MPV17: variants seen among roughly 807,000 people sequenced by gnomAD.
The protein encoded by MPV17 is MPV17, mitochondrial inner membrane protein.
In MPV17, 31 loss-of-function variants were observed where a neutral mutation model predicts 28.6. The ratio of observed to expected loss-of-function variants is 1.08; its 90% CI spans 0.81 to 1.46. The LOEUF (loss-of-function observed/expected upper bound fraction) is 1.46. Ranked by LOEUF, MPV17 falls within the 40% of genes most tolerant of loss-of-function variation. MPV17 has a pLI of 0.00. For missense variants in MPV17, 198 were observed against 216.2 expected (o/e 0.92, Z 0.53); for synonymous variants, 87 against 85.3 (o/e 1.02, Z -0.11).
chr2:27,312,114 C>A, intron 6 of MPV17, 100 bp downstream of exon 6: 1 of 1,476,244 alleles, frequency 6.8e-7, no homozygotes, highest in South Asian at 1.1e-5. Context: ...AAGAGTAATC[C>A]CAACGGAAGG....
intron 7 of MPV17, chr2:27,311,485 T>G: frequency 5.9e-6 from 6 of 1,013,286 alleles, no homozygotes; most frequent in Non-Finnish European, 1.5e-6. Context: ...ACATCTTCAG[T>G]GCCACTATCT....
chr2:27,318,827 C>T (rs1241946564), intron 2 of MPV17, among the ~76,000 whole-genome samples: 1 of 151,572 alleles, frequency 6.6e-6, no homozygotes, highest in Non-Finnish European at 1.5e-5. Flanking sequence ...TGCTGTAGCG[C>T]AATCTCAGCT....
intron 7 of MPV17, chr2:27,311,547 C>G: frequency 1.3e-6 from 2 of 1,532,706 alleles, no homozygotes; most frequent in Non-Finnish European, 1.8e-6. Context: ...GACCAGGCTC[C>G]TACTTGGCCT....
At position 27,314,201 on chromosome 2, in the gene MPV17, G is replaced by A. The variant is rs189122638; in HGVS notation, c.71-1092C>T. ...AACAATTAGCTGGGCACGGTGGCAC[G>A]TGCCTGTAGTCCCAGCTACTCAGGA... is the stretch of plus-strand genomic sequence containing the variant. On this transcript the variant is annotated intron_variant, in intron 2 of 7. Transcript: ENST00000380044. 1.8e-4 allele frequency among the ~76,000 whole-genome samples: 28 copies of A among 152,192 alleles called. No homozygotes were observed. In the South Asian group the frequency reaches 3.9e-3, roughly 21 times the overall value.
intron 1 of MPV17, 109 bp from the exon 2 acceptor site, chr2:27,322,631 G>A: frequency 2.3e-6 from 2 of 869,328 alleles, no homozygotes; most frequent in Non-Finnish European, 1.9e-6. Flanking sequence ...CTTCCAATGT[G>A]ACTTAAAGGG....
chr2:27,309,529 A>AC lies in MPV17; in HGVS notation c.*382dup. 2.5e-6 allele frequency: 1 copy of AC among 398,956 alleles called. No homozygotes were observed. Among genetic ancestry groups the AC allele is most frequent in the Non-Finnish European group, 4.5e-6 (1 of 220,988 alleles). The allele number at this position is 398,956 out of a possible 1,614,324, so 24.7% of individuals were successfully genotyped here. A position where few individuals can be genotyped will look rare whatever the true frequency, so the allele number is the denominator to read the frequency against. On this transcript the variant is annotated 3_prime_UTR_variant, in exon 8 of 8. Coordinates refer to ENST00000380044, the MANE Select transcript of MPV17 (RefSeq NM_002437.5). ...TATTTAATAACATATTTACTGAGGC[A>AC]CCATATAAAGGGTTCCGGGAGTCTC...
intron 2 of MPV17, 86 bp downstream of exon 2, chr2:27,322,361 AG>A: frequency 9.1e-7 from 1 of 1,099,002 alleles, no homozygotes; most frequent in Non-Finnish European, 1.4e-6. Context: ...GAATAGAAAC[AG>A]GAAGTGAGGG....
chr2:27,316,524 A>G (rs933802076), intron 2 of MPV17, among the ~76,000 whole-genome samples: 3 of 152,186 alleles, frequency 2.0e-5, no homozygotes, highest in African/African-American at 7.2e-5. Flanking sequence ...AAGGTGGTAT[A>G]AGGCTTTGGA....
chr2:27,313,529 T>C (rs1215092410), intron 2 of MPV17: 6 of 388,448 alleles, frequency 1.5e-5, no homozygotes, highest in African/African-American at 1.2e-4. Flanking sequence ...AACCAGTAAG[T>C]GCAGGGCCAA....
intron 7 of MPV17, 52 bp from the exon 8 acceptor site, chr2:27,310,033 AG>A: frequency 7.2e-7 from 1 of 1,395,762 alleles, no homozygotes; most frequent in Non-Finnish European, 1.0e-6. Flanking sequence ...GCAGTGAGCA[AG>A]GGCTGGAGAT....
chr2:27,315,506 A>T (rs1679616731), intron 2 of MPV17, among the ~76,000 whole-genome samples: 1 of 152,188 alleles, frequency 6.6e-6, no homozygotes, highest in Non-Finnish European at 1.5e-5. Flanking sequence ...TATACATTTA[A>T]TCCTCACAAA....
Position 27,309,923 on chromosome 2 carries a change from G to A in MPV17, c.520C>T (p.His174Tyr), listed in dbSNP as rs746596000. ...GGAGTGAGGCAGGCTTAGAGCCGAT[G>A]TGCCTTCCAGGACAGGTAGGAGTTC... ...IWNSYLSWKA[H>Y]RL is the part of the protein sequence containing the mutation. Residue 174 changes from histidine (H) to tyrosine (Y), a missense_variant, in exon 8 of 8, where the codon CAT (histidine) becomes TAT (tyrosine). Coordinates refer to ENST00000380044, the MANE Select transcript of MPV17 (RefSeq NM_002437.5). 1.2e-6 allele frequency: 2 copies of A among 1,613,792 alleles called. No individual in the cohort carries two copies. Among genetic ancestry groups the A allele is most frequent in the Non-Finnish European group, 1.7e-6 (2 of 1,179,664 alleles).
chr2:27,311,596 C>G, intron 7 of MPV17: 1 of 1,550,510 alleles, frequency 6.4e-7, no homozygotes, highest in Non-Finnish European at 8.7e-7. Flanking sequence ...CTGCAGCACC[C>G]CAGCCACTGT....
chr2:27,322,266 C>T (rs1458375142), intron 2 of MPV17, 182 bp downstream of exon 2: 8 of 663,748 alleles, frequency 1.2e-5, no homozygotes, highest in Non-Finnish European at 1.9e-5. Flanking sequence ...CTACGCATAC[C>T]CCTTAAAAAC....
chr2:27,312,090 C>T (rs1330619482), intron 6 of MPV17, 124 bp downstream of exon 6: 3 of 1,449,354 alleles, frequency 2.1e-6, no homozygotes, highest in Non-Finnish European at 2.9e-6. Context: ...TTATGGTGCC[C>T]ATCCTGGGAA....
At chr2:27,321,731 T>C (rs1396111462) in intron 2 of MPV17, among the ~76,000 whole-genome samples, 1 of 152,182 alleles carries the variant, frequency 6.6e-6, no homozygotes, top group African/African-American at 2.4e-5. Flanking sequence ...AATCACTGCA[T>C]TTGGAGTGAC....
chr2:27,311,850 G>C (rs776873059), intron 7 of MPV17, 49 bp downstream of exon 7: 2 of 1,605,252 alleles, frequency 1.2e-6, no homozygotes, highest in Non-Finnish European at 1.7e-6. Flanking sequence ...GTCTCCAACT[G>C]TTGGTAACGT....
intron 2 of MPV17, among the ~76,000 whole-genome samples, chr2:27,319,925 C>CAA (rs780007083): frequency 4.3e-5 from 4 of 93,768 alleles, no homozygotes; most frequent in East Asian, 3.1e-4. Flanking sequence ...CACCTTATCT[C>CAA]AAAAAAAAAA....
In MPV17 at chr2:27,309,762, A is replaced by T. The variant is rs1483835033; in HGVS notation, c.*150T>A. On this transcript the variant is annotated 3_prime_UTR_variant, in exon 8 of 8. Transcript: ENST00000380044. ...AGCAGTCAGTGTACATTTTAGAGTG[A>T]AGAGGGGCATTGCAGGGTGCTAGTC... The T allele has an allele frequency of 1.4e-6, 1 of 709,822 alleles. No homozygotes were observed. The highest frequency in any genetic ancestry group is 2.6e-6 in the Non-Finnish European group (1 of 381,300). The allele number at this position is 709,822 out of a possible 1,614,324, so 44.0% of individuals were successfully genotyped here.
Sources: allele counts gnomAD v4.1 joint callset (sites outside exome capture counted in the v4.1 genomes callset), GRCh38; gene constraint gnomAD v4.1.1; transcripts MANE v1.5; gene names NCBI Gene and HGNC (gene_info 2026-07-23, HGNC 2026-07-21).